LYSMD4: variants seen among roughly 807,000 people sequenced by gnomAD.
LYSMD4 encodes the protein lysM and putative peptidoglycan-binding domain-containing protein 4.
Under a neutral mutation model 6.1 loss-of-function variants are expected in LYSMD4, and 9 were observed. The observed-to-expected ratio is 1.47, with a 90% CI of 0.88 to 2.56. The LOEUF (loss-of-function observed/expected upper bound fraction) is 2.56, where lower values mean the gene tolerates loss of function less well. Among genes scored for constraint, LYSMD4 ranks in the 30% most tolerant of loss-of-function variants. The pLI, the probability that LYSMD4 is intolerant of heterozygous loss-of-function variation, is 0.00. For missense variants in LYSMD4, 384 were observed against 373.5 expected, an observed-to-expected ratio of 1.03 and a Z score of -0.23; for synonymous variants, 143 against 148.5, an observed-to-expected ratio of 0.96 and a Z score of 0.27.
chr15:99,717,467 A>G (rs1462419353), exon 1 of LYSMD4: 1 of 151,918 alleles, frequency 6.6e-6, no homozygotes, highest in Non-Finnish European at 1.5e-5. Flanking sequence ...ACTGAGAGGA[A>G]GAGGAGTGTT....
intron 2 of LYSMD4, 150 bp from the exon 3 acceptor site, chr15:99,729,881 A>AAGTT: frequency 9.6e-7 from 1 of 1,042,060 alleles, no homozygotes. Context: ...GCTGTACACA[A>AAGTT]AGTTAGTTTA....
chr15:99,729,540 G>T lies in LYSMD4; in HGVS notation c.474C>A (p.Gly158=), dbSNP rs1308540833. 1 of 1,614,090 alleles carries T rather than the reference G, an allele frequency of 6.2e-7. No homozygotes were observed. Among genetic ancestry groups the T allele is most frequent in the South Asian group, 1.1e-5 (1 of 91,074 alleles). ...ELPEADRAGA[G]TGAQAGQLMG... Reference sequence around the variant, plus strand: ...TCAGTTGGCCGGCCTGGGCACCGGTGCCCGCGCCTGCTCTGTCTGCCTCTG... The same window carrying T: ...TCAGTTGGCCGGCCTGGGCACCGGTTCCCGCGCCTGCTCTGTCTGCCTCTG... The change falls in exon 3 of 3, where the codon GGC becomes GGA. Residue 158 remains glycine, a synonymous_variant. Coordinates refer to ENST00000684762, the MANE Select transcript of LYSMD4 (RefSeq NM_001284417.2).
At chr15:99,724,931 G>A (rs1483099722), downstream of LYSMD4, among the ~76,000 whole-genome samples, 1 of 152,160 alleles carries the variant, frequency 6.6e-6, no homozygotes, top group African/African-American at 2.4e-5. Context: ...GGCGGTGCAG[G>A]AGCAAGGAGG....
rs1364081324 is a variant in LYSMD4 at position 99,727,818 on chromosome 15, C to T, written c.*1305G>A. Reference sequence around the variant, plus strand: ...GAGTCAAAGGCCATCACTGTCCCTCCACCGAGCATCTGGGCAGTGTCTGCC... The same window carrying T: ...GAGTCAAAGGCCATCACTGTCCCTCTACCGAGCATCTGGGCAGTGTCTGCC... On this transcript the variant is annotated 3_prime_UTR_variant, in exon 3 of 3. Coordinates refer to ENST00000684762, the MANE Select transcript of LYSMD4 (RefSeq NM_001284417.2). 1.3e-5 allele frequency: 2 copies of T among 152,280 alleles called. No individual in the cohort carries two copies. Among genetic ancestry groups the T allele is most frequent in the Admixed American group, 1.3e-4 (2 of 15,294 alleles). 9.4% of individuals were successfully genotyped at this position (152,280 alleles called of 1,614,324 possible). A position where few individuals can be genotyped will look rare whatever the true frequency, so the allele number is the denominator to read the frequency against.
chr15:99,717,278 C>A (rs947003297), exon 1 of LYSMD4: 2 of 152,448 alleles, frequency 1.3e-5, no homozygotes, highest in African/African-American at 4.8e-5. Context: ...CAATTCATTA[C>A]ATTTTCCTGC....
downstream of LYSMD4, among the ~76,000 whole-genome samples, chr15:99,724,267 A>G (rs1328922491): frequency 6.7e-6 from 1 of 149,426 alleles, no homozygotes; most frequent in East Asian, 1.9e-4. Flanking sequence ...AAAAATTATC[A>G]TTATTTCTCC....
At chr15:99,720,037 C>G (rs138616771), upstream of LYSMD4, among the ~76,000 whole-genome samples, 434 of 152,226 alleles carry the variant, frequency 2.9e-3, 3 homozygotes, top group African/African-American at 9.9e-3. Context: ...CATCCTCCAA[C>G]TTGTAAGGGT....
chr15:99,729,776 T>G, intron 2 of LYSMD4, 45 bp from the exon 3 acceptor site: 1 of 1,536,712 alleles, frequency 6.5e-7, no homozygotes, highest in South Asian at 1.3e-5. Context: ...GCGGAGCTCC[T>G]TAAAAATAAC....
At chr15:99,725,041 G>T (rs1361032922), downstream of LYSMD4, among the ~76,000 whole-genome samples, 1 of 152,188 alleles carries the variant, frequency 6.6e-6, no homozygotes, top group Non-Finnish European at 1.5e-5. Context: ...CCTGGCCTGA[G>T]ACCAGCCATA....
At position 99,729,062 on chromosome 15, in the gene LYSMD4, G is replaced by T. The variant is rs1310975089; in HGVS notation, c.*61C>A. The T allele has an allele frequency of 1.9e-6, 3 of 1,590,234 alleles. No homozygotes were observed. Among genetic ancestry groups the T allele is most frequent in the Non-Finnish European group, 2.6e-6 (3 of 1,165,566 alleles). On this transcript the variant is annotated 3_prime_UTR_variant, in exon 3 of 3. Coordinates refer to ENST00000684762, the MANE Select transcript of LYSMD4 (RefSeq NM_001284417.2). The stretch of plus-strand genomic sequence containing the variant: ...GCAGCACCCCTAGGACATCGCCAGT[G>T]ACAGCTGAGGCACATCAACAGCCAA...
chr15:99,724,855 C>G (rs571975667), downstream of LYSMD4, among the ~76,000 whole-genome samples: 3 of 152,324 alleles, frequency 2.0e-5, no homozygotes, highest in East Asian at 5.8e-4. Context: ...GGAAGGGGTA[C>G]AGGTCACAGG....
intron 2 of LYSMD4, 113 bp from the exon 3 acceptor site, chr15:99,729,844 G>C: frequency 7.7e-7 from 1 of 1,294,382 alleles, no homozygotes; most frequent in Non-Finnish European, 1.0e-6. Flanking sequence ...CTTCACTGAC[G>C]AATCTGATGA....
chr15:99,731,868 G>A lies in LYSMD4; in HGVS notation c.132C>T (p.His44=), dbSNP rs1438017256. The change falls in exon 2 of 3, where the codon CAC becomes CAT. Residue 44 remains histidine, a synonymous_variant. Coordinates refer to ENST00000684762, the MANE Select transcript of LYSMD4 (RefSeq NM_001284417.2). The part of the protein sequence containing the change: ...DSGDSSEEES[H]RVVLRPRGKE... ...TGCCCCGGGGCCGCAAAACCACACG[G>A]TGAGACTCTTCTTCAGAAGAGTCCC... 6.2e-7 allele frequency: 1 copy of A among 1,613,560 alleles called. No individual in the cohort carries two copies. The highest frequency in any genetic ancestry group is 8.5e-7 in the Non-Finnish European group (1 of 1,180,038).
At position 99,729,670 on chromosome 15, in the gene LYSMD4, GATTTCAAAGCATAT is replaced by G. The variant is rs749711326; in HGVS notation, c.330_343del (p.Leu110PhefsTer3). ...ATGGTTTCTCACTGGAATCTTAACA[GATTTCAAAGCATAT>G]AAGTCTTGTTCTCTGATGAAGTTGT... On this transcript the variant is annotated frameshift_variant, in exon 3 of 3. Transcript: ENST00000684762. LOFTEE classifies it low-confidence loss of function (END_TRUNC). 39 of 1,613,916 alleles carry G rather than the reference GATTTCAAAGCATAT, an allele frequency of 2.4e-5. No homozygotes were observed. Among genetic ancestry groups the G allele is most frequent in the Non-Finnish European group, 3.3e-5 (39 of 1,180,054 alleles).
Position 99,716,909 on chromosome 15 carries a change from G to C in LYSMD4, c.-112C>G, listed in dbSNP as rs966675969. On this transcript the variant is annotated 5_prime_UTR_variant, in exon 1 of 1. Coordinates refer to the LYSMD4 transcript ENST00000378904. Reference sequence around the variant, plus strand: ...CTCTTTAAAGTCTAGGGTGTGAAATGATTAGTTTTGCCCAAAATACATACA... The same window carrying C: ...CTCTTTAAAGTCTAGGGTGTGAAATCATTAGTTTTGCCCAAAATACATACA... 4 of 341,790 alleles carry C rather than the reference G, an allele frequency of 1.2e-5. No individual in the cohort carries two copies. In the East Asian group the frequency reaches 3.0e-4, roughly 26 times the overall value. The allele number at this position is 341,790 out of a possible 1,614,324, so 21.2% of individuals were successfully genotyped here.
chr15:99,729,717 C>G lies in LYSMD4; in HGVS notation c.297G>C (p.Lys99Asn). 3 of 1,607,886 alleles carry G rather than the reference C, an allele frequency of 1.9e-6. No homozygotes were observed. Among genetic ancestry groups the G allele is most frequent in the Non-Finnish European group, 2.5e-6 (3 of 1,177,872 alleles). ...GTTCTCTGATGAAGTTGTTGACTTT[C>G]TTGATATCTGCAACCTAGGAAGGCA... ...LQYGCKVADI[K>N]KVNNFIREQD... The change falls in exon 3 of 3, where the codon AAG becomes AAC. Residue 99 changes from lysine (K) to asparagine (N), a missense_variant. By Grantham distance (94) the Lys-to-Asn change is moderately conservative. Transcript: ENST00000684762.
chr15:99,722,400 C>T (rs1237878788), upstream of LYSMD4, among the ~76,000 whole-genome samples: 61 of 152,166 alleles, frequency 4.0e-4, no homozygotes, highest in Non-Finnish European at 7.3e-5. Flanking sequence ...AAGGACTGAA[C>T]TCATTCCAAG....
downstream of LYSMD4, among the ~76,000 whole-genome samples, chr15:99,725,015 G>A (rs1253817169): frequency 1.3e-5 from 2 of 152,128 alleles, no homozygotes; most frequent in Non-Finnish European, 2.9e-5. Context: ...CACACTCTCC[G>A]AGCCCTGTTC....
rs773456558 is a variant in LYSMD4, at chr15:99,731,831, T to C, written c.169A>G (p.Lys57Glu). Residue 57 changes from lysine to glutamate, a missense_variant, in exon 2 of 3, where the codon AAG becomes GAG. Lys to Glu is a moderately conservative substitution (Grantham distance 56). Transcript: ENST00000684762. ...VLRPRGKERH[K>E]SGVHQPPQAG... ...TGGGGAGGCTGGTGGACACCGCTCT[T>C]GTGGCGCTCCTTGCCCCGGGGCCGC... The C allele has an allele frequency of 4.3e-6, 7 of 1,613,116 alleles. No homozygotes were observed. The highest frequency in any genetic ancestry group is 1.3e-5 in the African/African-American group (1 of 75,046).
Sources: allele counts gnomAD v4.1 joint callset (sites outside exome capture counted in the v4.1 genomes callset), GRCh38; gene constraint gnomAD v4.1.1; transcripts MANE v1.5; gene names NCBI Gene and HGNC (gene_info 2026-07-23, HGNC 2026-07-21).